Variants in KCNC3 observed in about 807,000 individuals in gnomAD.
The protein encoded by KCNC3 is potassium voltage-gated channel subfamily C member 3.
Under a neutral mutation model 43.9 loss-of-function variants are expected in KCNC3, and 22 were observed. The ratio of observed to expected loss-of-function variants is 0.50; its 90% CI spans 0.36 to 0.72. The LOEUF is 0.72. Among genes scored for constraint, KCNC3 ranks in the 30% least tolerant of loss-of-function variants. The probability of loss-of-function intolerance (pLI) is 0.00; values close to 1 mark genes in which losing one functional copy is unlikely to be tolerated. For missense variants in KCNC3, 829 were observed against 1,073.8 expected (o/e 0.77, Z 3.19); for synonymous variants, 492 against 488.0 (o/e 1.01, Z -0.11).
At chr19:50,320,486 G>T in intron 3 of KCNC3, 107 bp downstream of exon 3, 1 of 1,078,018 alleles carries the variant, frequency 9.3e-7, no homozygotes, top group Non-Finnish European at 1.4e-6. Flanking sequence ...GCCAAGGGAA[G>T]GGGGAAGGGA....
chr19:50,314,882 G>C lies in KCNC3; in HGVS notation c.*1233C>G, dbSNP rs2036926457. 3 of 298,642 alleles carry C rather than the reference G, an allele frequency of 1.0e-5. No individual in the cohort carries two copies. The highest frequency in any genetic ancestry group is 7.3e-5 in the South Asian group (3 of 40,882). The allele number at this position is 298,642 out of a possible 1,614,324, so 18.5% of individuals were successfully genotyped here. ...AAGGATGGAGGGCAGGGTCGGGGGA[G>C]CGCGGCGGGCGGCCCGGGGAGAGCC... On this transcript the variant is annotated 3_prime_UTR_variant, in exon 5 of 5. Coordinates refer to ENST00000477616, the MANE Select transcript of KCNC3 (RefSeq NM_004977.3).
upstream of KCNC3, among the ~76,000 whole-genome samples, chr19:50,332,584 C>T (rs925538092): frequency 6.6e-6 from 1 of 152,068 alleles, no homozygotes; most frequent in Admixed American, 6.6e-5. This position sits in a 1 kb window ranked among gnomAD's most constrained non-coding sequence, Gnocchi z 5.8. Flanking sequence ...CTGGAGTCTC[C>T]ACCCACCCAT....
In KCNC3 at chr19:50,324,425, C is replaced by A. The variant is rs926541554; in HGVS notation, c.871-343G>T. ...CTGTTCCCTGTGTCCTATTTCAGGGCCCCCCAGCAGGGTCCACGGGTTCTG... is the reference window on the plus strand; with the variant it reads ...CTGTTCCCTGTGTCCTATTTCAGGGACCCCCAGCAGGGTCCACGGGTTCTG... On this transcript the variant is annotated intron_variant, in intron 1 of 4. Coordinates refer to ENST00000477616, the MANE Select transcript of KCNC3 (RefSeq NM_004977.3). This position sits in a 1 kb window ranked among gnomAD's most constrained non-coding sequence, Gnocchi z 4.1. Among the ~76,000 whole-genome samples, 9 of 152,098 alleles carry A rather than the reference C, an allele frequency of 5.9e-5. No individual in the cohort carries two copies. The highest frequency in any genetic ancestry group is 2.2e-4 in the African/African-American group (9 of 41,414).
Position 50,314,738 on chromosome 19 carries a change from T to C in KCNC3, c.*1377A>G. ...CTGGCATCGTCATCTCGGTTGCATA[T>C]TATTAATGACTTTTTGATTTTTTTT... On this transcript the variant is annotated 3_prime_UTR_variant, in exon 5 of 5. Coordinates refer to ENST00000477616, the MANE Select transcript of KCNC3 (RefSeq NM_004977.3). 2.3e-6 allele frequency: 1 copy of C among 442,436 alleles called. No individual in the cohort carries two copies. The allele number at this position is 442,436 out of a possible 1,614,324, so 27.4% of individuals were successfully genotyped here. A position where few individuals can be genotyped will look rare whatever the true frequency, so the allele number is the denominator to read the frequency against.
rs914493413 is a variant in KCNC3, at chr19:50,316,048, G to C, written c.*67C>G. On this transcript the variant is annotated 3_prime_UTR_variant, in exon 5 of 5. Transcript: ENST00000477616. Reference sequence around the variant, plus strand: ...AATTGCTAACCTGGGGGGAAGGGGCGGGGGGGACCGAAAGTCTCGCGAGGT... The same window carrying C: ...AATTGCTAACCTGGGGGGAAGGGGCCGGGGGGACCGAAAGTCTCGCGAGGT... 5 of 385,592 alleles carry C rather than the reference G, an allele frequency of 1.3e-5. No homozygotes were observed. Among genetic ancestry groups the C allele is most frequent in the Non-Finnish European group, 2.4e-5 (5 of 207,460 alleles). The allele number at this position is 385,592 out of a possible 1,614,324, so 23.9% of individuals were successfully genotyped here.
chr19:50,322,154 G>C (rs538818731), intron 2 of KCNC3, among the ~76,000 whole-genome samples: 1 of 152,000 alleles, frequency 6.6e-6, no homozygotes, highest in African/African-American at 2.4e-5. Context: ...GGCAGTGCAG[G>C]GGGGGGCCAC....
At position 50,324,902 on chromosome 19, in the gene KCNC3, A is replaced by C. The variant is rs796248891; in HGVS notation, c.871-820T>G. Among the ~76,000 whole-genome samples the C allele has an allele frequency of 5.9e-5, 9 of 152,124 alleles. No individual in the cohort carries two copies. The highest frequency in any genetic ancestry group is 2.2e-4 in the African/African-American group (9 of 41,510). On this transcript the variant is annotated intron_variant, in intron 1 of 4. Transcript: ENST00000477616. The surrounding 1 kb of genome is among the most constrained non-coding windows in gnomAD (Gnocchi z 4.1). The stretch of plus-strand genomic sequence containing the variant: ...TAAGGGAGGAGGGGTTGAAGGGTTA[A>C]GCCTGCAAAAATGGAAGAGGAGATA...
intron 4 of KCNC3, among the ~76,000 whole-genome samples, chr19:50,317,441 C>T (rs754646252): frequency 3.3e-5 from 5 of 152,080 alleles, no homozygotes; most frequent in Admixed American, 6.5e-5. Flanking sequence ...GGACAGGGAT[C>T]CTTTAGGATG....
In KCNC3 at chr19:50,316,678, G is replaced by C. The variant is rs576886340; in HGVS notation, c.*24-587C>G. ...TTGAACCTGGGAGGCAGAGGCTGCA[G>C]TGAACCAAGATTGCGCCACTGCACT... On this transcript the variant is annotated intron_variant, in intron 4 of 4. Coordinates refer to ENST00000477616, the MANE Select transcript of KCNC3 (RefSeq NM_004977.3). 1.6e-4 allele frequency among the ~76,000 whole-genome samples: 24 copies of C among 152,292 alleles called. No individual in the cohort carries two copies. In the South Asian group the frequency reaches 4.3e-3, roughly 28 times the overall value.
rs1216582185 is a variant in KCNC3, at chr19:50,315,965, G to A, written c.*150C>T. The A allele has an allele frequency of 1.3e-5, 5 of 373,904 alleles. No individual in the cohort carries two copies. Among genetic ancestry groups the A allele is most frequent in the Admixed American group, 4.7e-5 (1 of 21,222 alleles). The allele number at this position is 373,904 out of a possible 1,614,324, so 23.2% of individuals were successfully genotyped here. A position where few individuals can be genotyped will look rare whatever the true frequency, so the allele number is the denominator to read the frequency against. On this transcript the variant is annotated 3_prime_UTR_variant, in exon 5 of 5. Coordinates refer to ENST00000477616, the MANE Select transcript of KCNC3 (RefSeq NM_004977.3). ...AAGGTGTCTTGATCGTAGGAGGGAGGGCTTGGGGGGAGATTTGAAGCCCAG... is the reference window on the plus strand; with the variant it reads ...AAGGTGTCTTGATCGTAGGAGGGAGAGCTTGGGGGGAGATTTGAAGCCCAG...
chr19:50,326,020 G>A (rs1305642579), intron 1 of KCNC3, among the ~76,000 whole-genome samples: 1 of 152,234 alleles, frequency 6.6e-6, no homozygotes, highest in Non-Finnish European at 1.5e-5. Context: ...AGAAGGGGTA[G>A]GAGGGCATGG....
chr19:50,327,727 G>A (rs929471428), intron 1 of KCNC3, among the ~76,000 whole-genome samples: 2 of 152,006 alleles, frequency 1.3e-5, no homozygotes, highest in Non-Finnish European at 2.9e-5. Context: ...ACAGGGCCTA[G>A]GAGAATTTGA....
chr19:50,323,253 G>C lies in KCNC3; in HGVS notation c.1700C>G (p.Pro567Arg), dbSNP rs763961794. Reference sequence around the variant, plus strand: ...GCAGTAGTTGGGCGAGCCCGGTTGCGGGGGCCGGGGGATGTGTTTGTTCTT... The same window carrying C: ...GCAGTAGTTGGGCGAGCCCGGTTGCCGGGGCCGGGGGATGTGTTTGTTCTT... ...KKKNKHIPRPPQPGSPNYCKP... is the reference protein window; with the variant it reads ...KKKNKHIPRPRQPGSPNYCKP... Residue 567 changes from proline (P) to arginine (R), a missense_variant, in exon 2 of 5, where the codon CCG becomes CGG. By Grantham distance (103) the Pro-to-Arg change is moderately radical. This residue lies in a region of KCNC3 where 308 missense variants were observed against 276.2 expected (regional missense o/e 1.11). Transcript: ENST00000477616. The C allele has an allele frequency of 4.4e-6, 7 of 1,600,746 alleles. No homozygotes were observed. The African/African-American group carries it at 6.7e-5, about 15-fold the overall frequency.
chr19:50,313,848 T>C lies in KCNC3; in HGVS notation c.*2267A>G, dbSNP rs79208686. 132 of 122,328 alleles carry C rather than the reference T, an allele frequency of 1.1e-3. No homozygotes were observed. The highest frequency in any genetic ancestry group is 1.9e-3 in the Non-Finnish European group (110 of 58,802). The allele number at this position is 122,328 out of a possible 1,614,324, so 7.6% of individuals were successfully genotyped here. A position where few individuals can be genotyped will look rare whatever the true frequency, so the allele number is the denominator to read the frequency against. ...GTGCTGGGACGCAGTTCAGGGAATT[T>C]GGTGGGGGTGTTTGGGGTGGCAGGA... On this transcript the variant is annotated 3_prime_UTR_variant, in exon 5 of 5. Coordinates refer to ENST00000477616, the MANE Select transcript of KCNC3 (RefSeq NM_004977.3).
rs1047320973 is a variant in KCNC3 at position 50,323,158 on chromosome 19, G to T, written c.1795C>A (p.Pro599Thr). The stretch of plus-strand genomic sequence containing the variant: ...ACCCCCATGGAGGGTGGGGTGATGG[G>T]TGGCGGCGGGCTGATGCCCCCGCTG... ...HGSGGISPPP[P>T]ITPPSMGVTV... Residue 599 changes from proline to threonine, a missense_variant, in exon 2 of 5, where the codon CCC becomes ACC. Transcript: ENST00000477616. 6.5e-7 allele frequency: 1 copy of T among 1,533,086 alleles called. No individual in the cohort carries two copies. The allele number at this position is 1,533,086 out of a possible 1,614,324, so 95.0% of individuals were successfully genotyped here. A position where few individuals can be genotyped will look rare whatever the true frequency, so the allele number is the denominator to read the frequency against.
chr19:50,314,712 G>A lies in KCNC3; in HGVS notation c.*1403C>T, dbSNP rs1405139110. ...GGGGGTGAGGGGCCCGGGGGTGTCT[G>A]CTGGCATCGTCATCTCGGTTGCATA... On this transcript the variant is annotated 3_prime_UTR_variant, in exon 5 of 5. Transcript: ENST00000477616. 6 of 440,666 alleles carry A rather than the reference G, an allele frequency of 1.4e-5. No homozygotes were observed. The highest frequency in any genetic ancestry group is 2.4e-5 in the Admixed American group (1 of 41,246). 27.3% of individuals were successfully genotyped at this position (440,666 alleles called of 1,614,324 possible).
Position 50,315,106 on chromosome 19 carries a change from A to G in KCNC3, c.*1009T>C. On this transcript the variant is annotated 3_prime_UTR_variant, in exon 5 of 5. Transcript: ENST00000477616. ...AAGAGACAGAGAGAGAAAGAAATGG[A>G]AGGGGAGGACAACAGATACCCAGAG... is the stretch of plus-strand genomic sequence containing the variant. 1 of 189,442 alleles carries G rather than the reference A, an allele frequency of 5.3e-6. No individual in the cohort carries two copies. The highest frequency in any genetic ancestry group is 8.1e-5 in the South Asian group (1 of 12,372). 11.7% of individuals were successfully genotyped at this position (189,442 alleles called of 1,614,324 possible).
In KCNC3 at chr19:50,314,519, T is replaced by G. The variant is rs371303651; in HGVS notation, c.*1596A>C. 1.6e-3 allele frequency: 400 copies of G among 250,546 alleles called. 7 individuals carry two copies. Among genetic ancestry groups the G allele is most frequent in the South Asian group, 0.014 (392 of 28,210 alleles). 15.5% of individuals were successfully genotyped at this position (250,546 alleles called of 1,614,324 possible). A position where few individuals can be genotyped will look rare whatever the true frequency, so the allele number is the denominator to read the frequency against. On this transcript the variant is annotated 3_prime_UTR_variant, in exon 5 of 5. Transcript: ENST00000477616. ...CAGGTTAGGGAAGGCATGCAGTGTG[T>G]GGGGGGAGGTGCCCCAAGATGTAAC...
chr19:50,322,522 A>G (rs2037045987), intron 2 of KCNC3, among the ~76,000 whole-genome samples: 1 of 151,922 alleles, frequency 6.6e-6, no homozygotes, highest in Admixed American at 6.6e-5. Flanking sequence ...GGTCTCCATG[A>G]CAATCTCTCG....
Sources: allele counts gnomAD v4.1 joint callset (sites outside exome capture counted in the v4.1 genomes callset), GRCh38; gene constraint gnomAD v4.1.1; regional missense constraint gnomAD v4.1.1; non-coding constraint Gnocchi (gnomAD v3.1); transcripts MANE v1.5; gene names NCBI Gene and HGNC (gene_info 2026-07-23, HGNC 2026-07-21).